ARHGEF7: variants seen among roughly 807,000 people sequenced by gnomAD.
The protein encoded by ARHGEF7 is Rho guanine nucleotide exchange factor 7, also known as PAK-interacting exchange factor beta.
A neutral mutation model predicts 109.8 loss-of-function variants in ARHGEF7; 33 were observed. The observed-to-expected ratio is 0.30, with a 90% CI of 0.23 to 0.40. The LOEUF (loss-of-function observed/expected upper bound fraction) is 0.40, where lower values mean the gene tolerates loss of function less well. Among genes scored for constraint, ARHGEF7 ranks in the 10% least tolerant of loss-of-function variants. ARHGEF7 has a pLI of 1.00. For synonymous variants in ARHGEF7, 458 were observed against 424.6 expected, an observed-to-expected ratio of 1.08 and a Z score of -0.97; for missense variants, 938 against 1,098.5, an observed-to-expected ratio of 0.85 and a Z score of 2.07.
intron 1 of ARHGEF7, among the ~76,000 whole-genome samples, chr13:111,151,590 T>G (rs991466505): frequency 9.9e-5 from 15 of 152,230 alleles, no homozygotes; most frequent in African/African-American, 3.6e-4. Flanking sequence ...CTTTAGCACT[T>G]TCTGGAGCAG....
In ARHGEF7 at chr13:111,261,726, T is replaced by A. The variant is rs4332630; in HGVS notation, c.951-5822T>A. Among the ~76,000 whole-genome samples, 1,343 of 152,316 alleles carry A rather than the reference T, an allele frequency of 8.8e-3. 17 individuals carry two copies. Among genetic ancestry groups the A allele is most frequent in the African/African-American group, 0.03 (1,259 of 41,578 alleles). On this transcript the variant is annotated intron_variant, in intron 8 of 21. Coordinates refer to ENST00000646102, the MANE Select transcript of ARHGEF7 (RefSeq NM_001354046.2). The stretch of plus-strand genomic sequence containing the variant: ...CACAAAACAAGTCTTAAAATTTTTT[T>A]AAAAATGAGATTCATCTCTTAAAAA...
chr13:111,146,526 A>G (rs1431888117), intron 1 of ARHGEF7, among the ~76,000 whole-genome samples: 4 of 152,246 alleles, frequency 2.6e-5, no homozygotes, highest in Admixed American at 2.6e-4. Flanking sequence ...ATGCAGAATC[A>G]GAATCTCCCT....
chr13:111,196,230 T>A (rs1302531453), intron 2 of ARHGEF7, among the ~76,000 whole-genome samples: 1 of 152,182 alleles, frequency 6.6e-6, no homozygotes, highest in East Asian at 1.9e-4. Flanking sequence ...GGTCAACAGA[T>A]GTTTATGACT....
chr13:111,153,594 C>A (rs1023315198), intron 1 of ARHGEF7: 1 of 1,123,530 alleles, frequency 8.9e-7, no homozygotes, highest in Non-Finnish European at 1.1e-6. Flanking sequence ...GAACACCCGA[C>A]GCTATCCGAA....
intron 8 of ARHGEF7, among the ~76,000 whole-genome samples, chr13:111,263,733 A>T (rs1013119428): frequency 6.6e-6 from 1 of 152,058 alleles, no homozygotes; most frequent in African/African-American, 2.4e-5. Context: ...CTGATATTTC[A>T]CTGTGTCTCT....
intron 4 of ARHGEF7, among the ~76,000 whole-genome samples, chr13:111,216,436 AC>A (rs2083152504): frequency 1.3e-5 from 2 of 151,758 alleles, no homozygotes; most frequent in African/African-American, 2.4e-5. Context: ...AGAGGCCTGG[AC>A]TCTGCTGATG....
intron 19 of ARHGEF7, chr13:111,295,001 A>G: frequency 1.0e-6 from 1 of 985,816 alleles, no homozygotes; most frequent in Non-Finnish European, 1.2e-6. Context: ...TGTGCTCTTT[A>G]TCTGTGAATG....
intron 4 of ARHGEF7, among the ~76,000 whole-genome samples, chr13:111,212,746 A>G (rs1372681208): frequency 2.0e-5 from 3 of 152,188 alleles, no homozygotes; most frequent in Admixed American, 1.3e-4. Context: ...TATTGTACAC[A>G]TTGTTAAATA....
At chr13:111,153,658 CG>C (rs1264788243) in intron 1 of ARHGEF7, 3 of 1,233,696 alleles carry the variant, frequency 2.4e-6, no homozygotes, top group Non-Finnish European at 3.0e-6. Flanking sequence ...CTTCCGGCGC[CG>C]GGGCTCACTT....
rs995413122 is a variant in ARHGEF7 at position 111,284,298 on chromosome 13, C to T, written c.1950+935C>T. On this transcript the variant is annotated intron_variant, in intron 16 of 21. Coordinates refer to ENST00000646102, the MANE Select transcript of ARHGEF7 (RefSeq NM_001354046.2). ...GAGCAGACTTTTTCTACATTCTTGCCGGCAGCCCTGGGGGTTTTAAGGCCC... is the reference window on the plus strand; with the variant it reads ...GAGCAGACTTTTTCTACATTCTTGCTGGCAGCCCTGGGGGTTTTAAGGCCC... Among the ~76,000 whole-genome samples, 12 of 152,098 alleles carry T rather than the reference C, an allele frequency of 7.9e-5. No individual in the cohort carries two copies. The South Asian group carries it at 1.2e-3, about 16-fold the overall frequency.
At chr13:111,192,653 G>T (rs527839657) in intron 2 of ARHGEF7, among the ~76,000 whole-genome samples, 1 of 152,072 alleles carries the variant, frequency 6.6e-6, no homozygotes, top group Non-Finnish European at 1.5e-5. Flanking sequence ...TTGCCTTCTC[G>T]ACCTTCCCTG....
intron 3 of ARHGEF7, among the ~76,000 whole-genome samples, chr13:111,206,741 C>G (rs1334866562): frequency 6.6e-6 from 1 of 151,882 alleles, no homozygotes; most frequent in Admixed American, 6.6e-5. Context: ...GCGGGCGGAT[C>G]ACGAGGTCAG....
chr13:111,148,714 CAA>C (rs981994634), intron 1 of ARHGEF7, among the ~76,000 whole-genome samples: 1 of 152,122 alleles, frequency 6.6e-6, no homozygotes, highest in Admixed American at 6.5e-5. Context: ...GGCTATGTAA[CAA>C]AGAGACAATG....
chr13:111,227,436 A>G (rs1028154665), intron 5 of ARHGEF7, among the ~76,000 whole-genome samples: 2 of 152,362 alleles, frequency 1.3e-5, no homozygotes, highest in Admixed American at 1.3e-4. Flanking sequence ...TATCAAGGCA[A>G]GACCCTCTAC....
Position 111,156,605 on chromosome 13 carries a change from AG to A in ARHGEF7, c.252+2616del, listed in dbSNP as rs376843303. Among the ~76,000 whole-genome samples the A allele has an allele frequency of 5.6e-3, 855 of 152,368 alleles. 3 individuals carry two copies. The highest frequency in any genetic ancestry group is 0.027 in the Middle Eastern group (8 of 294). ...TCCAGCTCTGGCTTCCAGCCTTGTA[AG>A]GTGATGTGAAGGGACAGGGCTGGGC... On this transcript the variant is annotated intron_variant, in intron 2 of 21. Coordinates refer to ENST00000646102, the MANE Select transcript of ARHGEF7 (RefSeq NM_001354046.2).
chr13:111,193,505 G>A (rs1013878607), intron 2 of ARHGEF7, among the ~76,000 whole-genome samples: 1 of 152,208 alleles, frequency 6.6e-6, no homozygotes, highest in Non-Finnish European at 1.5e-5. Context: ...TATTTAATGG[G>A]GGTTCCCTCA....
chr13:111,208,752 G>A (rs188479885), intron 3 of ARHGEF7, among the ~76,000 whole-genome samples: 11 of 152,264 alleles, frequency 7.2e-5, no homozygotes, highest in Non-Finnish European at 1.3e-4. Context: ...AGCAGGTCCT[G>A]GGAAGTGTAG....
At chr13:111,198,924 G>C (rs1005072955) in intron 2 of ARHGEF7, among the ~76,000 whole-genome samples, 4 of 152,094 alleles carry the variant, frequency 2.6e-5, no homozygotes, top group Admixed American at 1.3e-4. Context: ...GTGCTGATTG[G>C]TGTGTTTACA....
intron 1 of ARHGEF7, among the ~76,000 whole-genome samples, chr13:111,142,702 G>A (rs1476802229): frequency 6.6e-6 from 1 of 152,244 alleles, no homozygotes; most frequent in East Asian, 1.9e-4. Flanking sequence ...GTGCTTAACT[G>A]TGGATGTCCT....
Sources: allele counts gnomAD v4.1 joint callset (sites outside exome capture counted in the v4.1 genomes callset), GRCh38; gene constraint gnomAD v4.1.1; transcripts MANE v1.5; gene names NCBI Gene and HGNC (gene_info 2026-07-23, HGNC 2026-07-21).